The following WWOX variants were observed in gnomAD, a reference collection of about 807,000 sequenced individuals.
WWOX encodes the protein WW domain containing oxidoreductase.
A neutral mutation model predicts 46.2 loss-of-function variants in WWOX; 69 were observed. The ratio of observed to expected loss-of-function variants is 1.49; its 90% CI spans 1.23 to 1.82. WWOX has a LOEUF of 1.82. Ranked by LOEUF, WWOX falls within the 40% of genes most tolerant of loss-of-function variation. WWOX has a pLI of 0.00. For synonymous variants in WWOX, 359 were observed against 202.6 expected (o/e 1.77, Z -6.56); for missense variants, 919 against 542.6 (o/e 1.69, Z -6.89).
At chr16:79,020,703 G>A (rs1207747504) in intron 8 of WWOX, among the ~76,000 whole-genome samples, 1 of 152,148 alleles carries the variant, frequency 6.6e-6, no homozygotes, top group African/African-American at 2.4e-5. Flanking sequence ...TGGTGAGTAG[G>A]ATAAAGCTCT....
At chr16:78,133,928 A>G (rs867937255) in intron 4 of WWOX, among the ~76,000 whole-genome samples, 2 of 152,232 alleles carry the variant, frequency 1.3e-5, no homozygotes, top group Admixed American at 6.5e-5. Context: ...TTTACAGTCA[A>G]TGGACTGTAG....
intron 8 of WWOX, among the ~76,000 whole-genome samples, chr16:78,723,704 C>T (rs1006699410): frequency 7.6e-5 from 10 of 132,212 alleles, no homozygotes; most frequent in South Asian, 5.2e-4. Flanking sequence ...TCTGCTAATC[C>T]GGGCATTGGA....
chr16:78,647,486 G>C (rs552037082), intron 8 of WWOX, among the ~76,000 whole-genome samples: 5 of 152,270 alleles, frequency 3.3e-5, no homozygotes, highest in African/African-American at 1.2e-4. Flanking sequence ...CATTTGCAAA[G>C]CACCTTGGGG....
intron 6 of WWOX, among the ~76,000 whole-genome samples, chr16:78,418,369 GA>G (rs60427100): frequency 0.018 from 2,253 of 127,468 alleles, 43 homozygotes; most frequent in East Asian, 0.069. Context: ...CTCCATCTCA[GA>G]AAAAAAAAAA....
intron 6 of WWOX, among the ~76,000 whole-genome samples, chr16:78,413,889 A>G (rs1009803160): frequency 6.7e-6 from 1 of 150,240 alleles, no homozygotes; most frequent in Non-Finnish European, 1.5e-5. Context: ...TGGGAGGCTG[A>G]GGTTGTCAGG....
chr16:78,916,168 T>G (rs2045246862), intron 8 of WWOX, among the ~76,000 whole-genome samples: 1 of 152,158 alleles, frequency 6.6e-6, no homozygotes, highest in African/African-American at 2.4e-5. Flanking sequence ...AGCCGAATCC[T>G]AAACACGCTG....
intron 8 of WWOX, among the ~76,000 whole-genome samples, chr16:78,484,925 T>C (rs563146799): frequency 2.3e-4 from 35 of 152,270 alleles, no homozygotes; most frequent in African/African-American, 7.9e-4. Context: ...TTTTCCGGGC[T>C]GTTTGTGTAC....
chr16:78,785,928 A>G (rs1411090736), intron 8 of WWOX, among the ~76,000 whole-genome samples: 1 of 152,078 alleles, frequency 6.6e-6, no homozygotes, highest in Non-Finnish European at 1.5e-5. Context: ...ATTTTTTGAG[A>G]TGGAGTCTCA....
intron 8 of WWOX, among the ~76,000 whole-genome samples, chr16:78,887,077 GGTGT>G (rs749992495): frequency 0.038 from 2,336 of 61,036 alleles, 54 homozygotes; most frequent in African/African-American, 0.067. Flanking sequence ...GTGTGTGTGT[GGTGT>G]GTGTGTGTGT....
At chr16:79,071,920 A>T (rs545242919) in intron 8 of WWOX, among the ~76,000 whole-genome samples, 2 of 152,178 alleles carry the variant, frequency 1.3e-5, no homozygotes, top group African/African-American at 4.8e-5. Flanking sequence ...AGGGTGGCCA[A>T]ACCTTGTGTG....
chr16:78,602,034 C>G (rs2045634551), intron 8 of WWOX, among the ~76,000 whole-genome samples: 2 of 152,184 alleles, frequency 1.3e-5, no homozygotes, highest in Admixed American at 1.3e-4. Flanking sequence ...AATGAAATAT[C>G]TTATTAAAAT....
intron 8 of WWOX, among the ~76,000 whole-genome samples, chr16:78,476,478 G>C (rs891116791): frequency 3.9e-5 from 6 of 152,104 alleles, no homozygotes; most frequent in African/African-American, 1.4e-4. Context: ...AGGGGAGAGG[G>C]ATAGCATTAG....
At chr16:78,365,789 A>G (rs11863982) in intron 5 of WWOX, among the ~76,000 whole-genome samples, 3,875 of 151,982 alleles carry the variant, frequency 0.025, 144 homozygotes, top group African/African-American at 0.08. Context: ...CCCCTCCTCT[A>G]TGGCTCCCCC....
chr16:79,099,929 G>C (rs1270711980), intron 8 of WWOX, among the ~76,000 whole-genome samples: 1 of 152,206 alleles, frequency 6.6e-6, no homozygotes, highest in Non-Finnish European at 1.5e-5. Context: ...AATCCATACA[G>C]TGGGCAGTCG....
intron 7 of WWOX, among the ~76,000 whole-genome samples, chr16:78,430,498 G>T (rs2083190472): frequency 1.3e-5 from 2 of 152,060 alleles, no homozygotes. Context: ...GTGTCCACTG[G>T]GGCATTCTTC....
At chr16:78,251,652 T>G (rs1470771412) in intron 5 of WWOX, among the ~76,000 whole-genome samples, 1 of 152,220 alleles carries the variant, frequency 6.6e-6, no homozygotes, top group Non-Finnish European at 1.5e-5. Flanking sequence ...TTCAAAAACA[T>G]TACCGCTGAA....
intron 8 of WWOX, among the ~76,000 whole-genome samples, chr16:78,866,939 C>A (rs990945442): frequency 6.6e-6 from 1 of 152,194 alleles, no homozygotes; most frequent in Non-Finnish European, 1.5e-5. Context: ...CAAATATGAA[C>A]CCTTGCCACC....
At chr16:79,038,708 C>T (rs2047915044) in intron 8 of WWOX, among the ~76,000 whole-genome samples, 1 of 152,102 alleles carries the variant, frequency 6.6e-6, no homozygotes, top group Non-Finnish European at 1.5e-5. Context: ...CACCACCACA[C>T]CCAACTAATT....
At position 78,685,706 on chromosome 16, in the gene WWOX, C is replaced by G. The variant is rs73569207; in HGVS notation, c.1056+252954C>G. 6.6e-3 allele frequency among the ~76,000 whole-genome samples: 999 copies of G among 152,280 alleles called. 12 individuals carry two copies. The highest frequency in any genetic ancestry group is 0.023 in the African/African-American group (938 of 41,564). On this transcript the variant is annotated intron_variant, in intron 8 of 8. Coordinates refer to ENST00000566780, the MANE Select transcript of WWOX (RefSeq NM_016373.4). ...GCTTAGCACAGAACTCCTGTCCTCC[C>G]TCTTTGAAATTATTCCGACAGTTGC...
Sources: allele counts gnomAD v4.1 joint callset (sites outside exome capture counted in the v4.1 genomes callset), GRCh38; gene constraint gnomAD v4.1.1; transcripts MANE v1.5; gene names NCBI Gene and HGNC (gene_info 2026-07-23, HGNC 2026-07-21).